SH3GL2: variants seen among roughly 807,000 people sequenced by gnomAD.
The protein encoded by SH3GL2 is SH3 domain containing GRB2 like 2, endophilin A1, also known as endophilin-A1.
A neutral mutation model predicts 46.0 loss-of-function variants in SH3GL2; 24 were observed. That is an observed-to-expected ratio of 0.52 (90% confidence interval 0.38 to 0.73). SH3GL2 has a LOEUF of 0.73. Ranked by LOEUF, SH3GL2 falls within the 30% of genes least tolerant of loss-of-function variation. The probability of loss-of-function intolerance (pLI) is 0.00; values close to 1 mark genes in which losing one functional copy is unlikely to be tolerated. For missense variants in SH3GL2, 413 were observed against 424.2 expected (o/e 0.97, Z 0.23); for synonymous variants, 196 against 147.1 (o/e 1.33, Z -2.40).
At chr9:17,738,544 A>ATGTGTGTGTGTGT (rs869158464) in intron 1 of SH3GL2, among the ~76,000 whole-genome samples, 7 of 77,288 alleles carry the variant, frequency 9.1e-5, no homozygotes, top group East Asian at 3.1e-4. Context: ...ATATATACAT[A>ATGTGTGTGTGTGT]AGTGTGTGTG....
At chr9:17,693,293 G>A (rs1030546023) in intron 1 of SH3GL2, among the ~76,000 whole-genome samples, 1 of 152,066 alleles carries the variant, frequency 6.6e-6, no homozygotes, top group Non-Finnish European at 1.5e-5. Flanking sequence ...TTCTCCAGTG[G>A]CAAGTACTTG....
chr9:17,593,106 T>C (rs906408478), intron 1 of SH3GL2, among the ~76,000 whole-genome samples: 2 of 152,332 alleles, frequency 1.3e-5, no homozygotes, highest in East Asian at 3.9e-4. Context: ...CCTCGACCTA[T>C]GTGTCTCTTC....
intron 7 of SH3GL2, 54 bp downstream of exon 7, chr9:17,791,388 G>A: frequency 8.3e-7 from 1 of 1,210,364 alleles, no homozygotes; most frequent in South Asian, 1.2e-5. Flanking sequence ...ATAAAATGAT[G>A]TATAAAGAAA....
intron 3 of SH3GL2, among the ~76,000 whole-genome samples, chr9:17,785,168 C>A (rs1034281285): frequency 6.6e-6 from 1 of 152,184 alleles, no homozygotes; most frequent in African/African-American, 2.4e-5. Context: ...AAAGATACTT[C>A]CCTCCAGGAA....
intron 1 of SH3GL2, among the ~76,000 whole-genome samples, chr9:17,599,233 A>G (rs7022781): frequency 0.012 from 1,795 of 152,328 alleles, 37 homozygotes; most frequent in African/African-American, 0.042. Context: ...TCTAAACATA[A>G]CATATCATGC....
At chr9:17,760,503 T>G (rs1823139926) in intron 2 of SH3GL2, among the ~76,000 whole-genome samples, 1 of 152,034 alleles carries the variant, frequency 6.6e-6, no homozygotes, top group South Asian at 2.1e-4. Context: ...CTGGTATATA[T>G]TATATACCAC....
chr9:17,788,097 C>T (rs1171399404), intron 5 of SH3GL2, among the ~76,000 whole-genome samples: 1 of 152,058 alleles, frequency 6.6e-6, no homozygotes, highest in Non-Finnish European at 1.5e-5. Flanking sequence ...GGAATGTTTG[C>T]TCACTTTTTT....
At chr9:17,761,327 T>A in intron 2 of SH3GL2, 110 bp from the exon 3 acceptor site, 1 of 724,186 alleles carries the variant, frequency 1.4e-6, no homozygotes. Flanking sequence ...ACTGCGGGAC[T>A]TGTCCGGGGC....
rs1588222945 is a variant in SH3GL2 at position 17,671,765 on chromosome 9, G to T, written c.46-75301G>T. Among the ~76,000 whole-genome samples, 3 of 152,294 alleles carry T rather than the reference G, an allele frequency of 2.0e-5. No individual in the cohort carries two copies. In the South Asian group the frequency reaches 6.2e-4, roughly 32 times the overall value. On this transcript the variant is annotated intron_variant, in intron 1 of 8. Coordinates refer to ENST00000380607, the MANE Select transcript of SH3GL2 (RefSeq NM_003026.5). ...TGTGTTGAAACTGAGAATTAAAGCT[G>T]AAATGTAATTTCACAAACTTAATAA...
rs1824260148 is a variant in SH3GL2, at chr9:17,795,828, C to G, written c.*85C>G. 1 of 1,127,176 alleles carries G rather than the reference C, an allele frequency of 8.9e-7. No homozygotes were observed. Among genetic ancestry groups the G allele is most frequent in the South Asian group, 1.5e-5 (1 of 68,574 alleles). The allele number at this position is 1,127,176 out of a possible 1,614,324, so 69.8% of individuals were successfully genotyped here. The stretch of plus-strand genomic sequence containing the variant: ...TTGGCAATGCTGCTTATAACACATC[C>G]CAAGTGCAGGCCGCAGTGGTCCACG... On this transcript the variant is annotated 3_prime_UTR_variant, in exon 9 of 9. Transcript: ENST00000380607.
At chr9:17,603,427 G>C (rs972419957) in intron 1 of SH3GL2, among the ~76,000 whole-genome samples, 4 of 152,212 alleles carry the variant, frequency 2.6e-5, no homozygotes, top group African/African-American at 4.8e-5. Context: ...AAGGTACCTA[G>C]AGTAGTCAAA....
At chr9:17,686,851 A>G (rs1051653035) in intron 1 of SH3GL2, among the ~76,000 whole-genome samples, 5 of 150,022 alleles carry the variant, frequency 3.3e-5, no homozygotes, top group Non-Finnish European at 5.9e-5. Context: ...ATGACGAGTT[A>G]GTGGGTGCAG....
chr9:17,732,421 A>G (rs1822210435), intron 1 of SH3GL2, among the ~76,000 whole-genome samples: 1 of 152,132 alleles, frequency 6.6e-6, no homozygotes, highest in African/African-American at 2.4e-5. Flanking sequence ...ATACTGTTCC[A>G]CTGCCTCCTT....
intron 1 of SH3GL2, among the ~76,000 whole-genome samples, chr9:17,719,567 C>CG (rs1821842095): frequency 6.6e-6 from 1 of 152,032 alleles, no homozygotes; most frequent in Admixed American, 6.6e-5. Flanking sequence ...GGGAGGATAG[C>CG]TTGATTGAGC....
intron 1 of SH3GL2, among the ~76,000 whole-genome samples, chr9:17,583,093 C>A (rs1292980331): frequency 6.6e-6 from 1 of 152,140 alleles, no homozygotes; most frequent in Admixed American, 6.5e-5. Context: ...TTGGGAGGGG[C>A]ACAGTTCAAT....
intron 1 of SH3GL2, among the ~76,000 whole-genome samples, chr9:17,644,867 G>C (rs2208501): frequency 0.92 from 140,528 of 151,972 alleles, 65,873 homozygotes; most frequent in Non-Finnish European, 1. Context: ...AGTTCAAGTC[G>C]TGAATATCCT....
intron 3 of SH3GL2, among the ~76,000 whole-genome samples, chr9:17,762,897 C>A (rs575062521): frequency 6.6e-6 from 1 of 152,134 alleles, no homozygotes; most frequent in African/African-American, 2.4e-5. Context: ...CCTGCTTCCC[C>A]GCAAGAAATC....
intron 1 of SH3GL2, among the ~76,000 whole-genome samples, chr9:17,612,371 C>G (rs1818887692): frequency 6.6e-6 from 1 of 152,218 alleles, no homozygotes; most frequent in African/African-American, 2.4e-5. Flanking sequence ...ACACAACCCT[C>G]TTAACCTTAC....
chr9:17,765,452 A>AATACATGG (rs1823291095), intron 3 of SH3GL2, among the ~76,000 whole-genome samples: 1 of 152,240 alleles, frequency 6.6e-6, no homozygotes, highest in South Asian at 2.1e-4. Context: ...AGCTTTTAAG[A>AATACATGG]ATACATGGCT....
Sources: allele counts gnomAD v4.1 joint callset (sites outside exome capture counted in the v4.1 genomes callset), GRCh38; gene constraint gnomAD v4.1.1; transcripts MANE v1.5; gene names NCBI Gene and HGNC (gene_info 2026-07-23, HGNC 2026-07-21).